The following ST14 variants were observed in gnomAD, a reference collection of about 807,000 sequenced individuals.
The protein encoded by ST14 is ST14 transmembrane serine protease matriptase.
ST14 carries 40 observed loss-of-function variants against 96.5 expected under a neutral mutation model. That is an observed-to-expected ratio of 0.41 (90% CI 0.32 to 0.54). The LOEUF (loss-of-function observed/expected upper bound fraction) is 0.54. ST14 is among the 20% of genes least tolerant of loss of function. The pLI is 0.17. For missense variants in ST14, 1,066 were observed against 1,188.9 expected (o/e 0.90, Z 1.52); for synonymous variants, 506 against 492.1 (o/e 1.03, Z -0.37).
intron 16 of ST14, among the ~76,000 whole-genome samples, chr11:130,205,151 A>G (rs1171350930): frequency 4.0e-5 from 6 of 151,848 alleles, no homozygotes; most frequent in African/African-American, 7.3e-5. Context: ...TTTTTGAGAC[A>G]GAGTCTCACT....
At chr11:130,199,856 C>CCT (rs1953409126) in intron 15 of ST14, 95 bp from the exon 16 acceptor site, 1 of 1,529,532 alleles carries the variant, frequency 6.5e-7, no homozygotes, top group Non-Finnish European at 9.0e-7. Flanking sequence ...GCTGGCTTCC[C>CCT]CACACAGGGT....
chr11:130,200,345 G>A (rs562161894), intron 16 of ST14, among the ~76,000 whole-genome samples: 1 of 152,310 alleles, frequency 6.6e-6, no homozygotes, highest in South Asian at 2.1e-4. Context: ...GGCTGTATAG[G>A]AAGCGTGGTG....
chr11:130,199,104 G>T (rs774785580), intron 15 of ST14, 35 bp downstream of exon 15: 2 of 1,603,474 alleles, frequency 1.2e-6, no homozygotes, highest in Non-Finnish European at 1.7e-6. Context: ...TGTGCAGGTT[G>T]TTCACTGTGT....
At chr11:130,208,818 A>G in intron 17 of ST14, 134 bp downstream of exon 17, 1 of 1,200,724 alleles carries the variant, frequency 8.3e-7, no homozygotes, top group Non-Finnish European at 1.1e-6. Flanking sequence ...GAGGCTGTCC[A>G]GGGCGGAATG....
intron 1 of ST14, among the ~76,000 whole-genome samples, chr11:130,161,936 A>G (rs1332882264): frequency 6.6e-6 from 1 of 152,184 alleles, no homozygotes; most frequent in Non-Finnish European, 1.5e-5. Context: ...AATTGGCCAA[A>G]GCTCATTTCC....
intron 9 of ST14, among the ~76,000 whole-genome samples, chr11:130,195,883 GT>G (rs1953356768): frequency 6.6e-6 from 1 of 150,844 alleles, no homozygotes. Flanking sequence ...GAGGCTGGGT[GT>G]GGTGGCTCGT....
chr11:130,195,010 G>T (rs1198736613), intron 9 of ST14, among the ~76,000 whole-genome samples: 1 of 152,130 alleles, frequency 6.6e-6, no homozygotes, highest in East Asian at 1.9e-4. Context: ...CACTTTGGGA[G>T]ACCAAGGCAG....
rs907825803 is a variant in ST14 at position 130,172,674 on chromosome 11, C to T, written c.81+12614C>T. On this transcript the variant is annotated intron_variant, in intron 1 of 18. Coordinates refer to ENST00000278742, the MANE Select transcript of ST14 (RefSeq NM_021978.4). ...TCTCGTGATCCGCCCGCCTCAGCCTCCCAAAGTGCTGGGACTACAGGCGTG... is the reference window on the plus strand; with the variant it reads ...TCTCGTGATCCGCCCGCCTCAGCCTTCCAAAGTGCTGGGACTACAGGCGTG... 3.3e-5 allele frequency among the ~76,000 whole-genome samples: 5 copies of T among 151,998 alleles called. No homozygotes were observed. The South Asian group carries it at 8.3e-4, about 25-fold the overall frequency.
At position 130,196,878 on chromosome 11, in the gene ST14, C is replaced by A. The variant is rs1412173415; in HGVS notation, c.1354+178C>A. 4 of 916,284 alleles carry A rather than the reference C, an allele frequency of 4.4e-6. No individual in the cohort carries two copies. In the Admixed American group the frequency reaches 6.3e-5, roughly 14 times the overall value. The allele number at this position is 916,284 out of a possible 1,614,324, so 56.8% of individuals were successfully genotyped here. A position where few individuals can be genotyped will look rare whatever the true frequency, so the allele number is the denominator to read the frequency against. ...GCTACCTTTGATGCATTAATGAAAG[C>A]AGGCTGGCTGTGAGCGCTGGCACAC... On this transcript the variant is annotated intron_variant, in intron 11 of 18. Coordinates refer to ENST00000278742, the MANE Select transcript of ST14 (RefSeq NM_021978.4).
chr11:130,209,392 G>A (rs757627425), intron 17 of ST14, 50 bp from the exon 18 acceptor site: 2 of 1,554,536 alleles, frequency 1.3e-6, no homozygotes, highest in East Asian at 2.4e-5. Flanking sequence ...CTCGAATGAC[G>A]CTGCCCTCGA....
At chr11:130,205,058 T>G (rs935484096) in intron 16 of ST14, among the ~76,000 whole-genome samples, 1 of 152,190 alleles carries the variant, frequency 6.6e-6, no homozygotes, top group African/African-American at 2.4e-5. Context: ...TTTTCCAATG[T>G]TTTATTTTGA....
At chr11:130,169,219 C>A (rs1439429516) in intron 1 of ST14, among the ~76,000 whole-genome samples, 1 of 151,500 alleles carries the variant, frequency 6.6e-6, no homozygotes, top group African/African-American at 2.4e-5. Flanking sequence ...CTCAGCCTCC[C>A]GAGTAGCTGG....
intron 16 of ST14, among the ~76,000 whole-genome samples, chr11:130,206,688 C>T (rs1953493160): frequency 2.0e-5 from 3 of 151,888 alleles, no homozygotes. Flanking sequence ...CTGCCTCAGC[C>T]TCCTGAGTAG....
intron 16 of ST14, among the ~76,000 whole-genome samples, chr11:130,204,019 G>T (rs184113967): frequency 1.3e-5 from 2 of 152,168 alleles, no homozygotes; most frequent in African/African-American, 2.4e-5. Context: ...CCAGGCCTAC[G>T]TGATGTCGAG....
chr11:130,169,097 T>G (rs1267254261), intron 1 of ST14, among the ~76,000 whole-genome samples: 1 of 141,144 alleles, frequency 7.1e-6, no homozygotes, highest in Non-Finnish European at 1.5e-5. Context: ...AATGGGTTTT[T>G]TTTTTTTTTT....
intron 7 of ST14, 24 bp downstream of exon 7, chr11:130,190,718 G>A (rs577606430): frequency 4.1e-5 from 63 of 1,546,408 alleles, no homozygotes; most frequent in Middle Eastern, 3.7e-4. Context: ...GGGGCGGGTA[G>A]GGCTGTGGGA....
At chr11:130,196,535 G>A (rs1180525762) in intron 10 of ST14, 35 bp from the exon 11 acceptor site, 1 of 1,539,576 alleles carries the variant, frequency 6.5e-7, no homozygotes, top group African/African-American at 1.4e-5. Flanking sequence ...GCTCCCAGCT[G>A]TCCCTCCTCA....
intron 5 of ST14, 63 bp downstream of exon 5, chr11:130,189,959 C>T: frequency 6.2e-7 from 1 of 1,612,992 alleles, no homozygotes; most frequent in Non-Finnish European, 8.5e-7. Context: ...GGGGCTGGGC[C>T]CTGGACCATT....
chr11:130,205,807 T>A (rs1319326501), intron 16 of ST14, among the ~76,000 whole-genome samples: 4 of 149,282 alleles, frequency 2.7e-5, no homozygotes, highest in African/African-American at 9.8e-5. Context: ...CAGGTGATTC[T>A]CTTGCCTCAG....
Sources: gnomAD v4.1 joint callset for allele counts (sites outside exome capture counted in the v4.1 genomes callset) on GRCh38, gnomAD v4.1.1 for gene constraint, MANE v1.5 for transcripts, NCBI Gene and HGNC (gene_info 2026-07-23, HGNC 2026-07-21) for gene names.